ZNF674: variants seen among roughly 807,000 people sequenced by gnomAD.
ZNF674 encodes the protein zinc finger protein 674.
ZNF674 carries 2 observed loss-of-function variants against 7.0 expected under a neutral mutation model. The observed-to-expected ratio is 0.29, with a 90% CI of 0.12 to 0.90. The LOEUF is 0.90. Among genes scored for constraint, ZNF674 ranks in the 40% least tolerant of loss-of-function variants. The pLI is 0.57. For missense variants in ZNF674, 297 were observed against 415.5 expected (o/e 0.71, Z 2.48); for synonymous variants, 103 against 145.2 (o/e 0.71, Z 2.09).
intron 1 of ZNF674, among the ~76,000 whole-genome samples, chrX:46,544,961 C>A (rs1942352627): frequency 9.0e-6 from 1 of 111,458 alleles, no homozygotes; most frequent in South Asian, 3.8e-4. Flanking sequence ...ACACTGGAAA[C>A]AATAAACATG....
rs1325284379 is a variant in ZNF674, at chrX:46,499,163, G to A, written c.*680C>T. Reference sequence around the variant, plus strand: ...ATGATTCCTCTCATTTATACCATGGGTTTGTTTATTTATTTATTTGACAAG... The same window carrying A: ...ATGATTCCTCTCATTTATACCATGGATTTGTTTATTTATTTATTTGACAAG... On this transcript the variant is annotated 3_prime_UTR_variant, in exon 6 of 6. Coordinates refer to ENST00000683375, the MANE Select transcript of ZNF674 (RefSeq NM_001190417.2). The A allele has an allele frequency of 9.0e-6, 1 of 110,663 alleles. No homozygotes were observed. Among genetic ancestry groups the A allele is most frequent in the Non-Finnish European group, 1.9e-5 (1 of 52,902 alleles). 9.1% of individuals were successfully genotyped at this position (110,663 alleles called of 1,213,427 possible).
intron 5 of ZNF674, among the ~76,000 whole-genome samples, chrX:46,515,139 TG>T (rs780671326): frequency 9.0e-6 from 1 of 111,083 alleles, no homozygotes; most frequent in Non-Finnish European, 1.9e-5. Flanking sequence ...GAGGCCTAAG[TG>T]GGCGGATCAC....
At chrX:46,529,830 G>A (rs1942078591) in intron 3 of ZNF674, among the ~76,000 whole-genome samples, 3 of 111,610 alleles carry the variant, frequency 2.7e-5, no homozygotes, top group African/African-American at 9.8e-5. Flanking sequence ...TGTCCACAAA[G>A]GAAGAAGTCA....
chrX:46,518,198 AAATGT>A (rs1941804680), intron 5 of ZNF674, among the ~76,000 whole-genome samples: 1 of 111,304 alleles, frequency 9.0e-6, no homozygotes, highest in South Asian at 3.7e-4. Context: ...ATATATGGGT[AAATGT>A]AATGTATAAT....
intron 5 of ZNF674, among the ~76,000 whole-genome samples, chrX:46,524,682 C>T (rs1223437340): frequency 2.0e-5 from 2 of 99,253 alleles, no homozygotes; most frequent in Non-Finnish European, 4.0e-5. Flanking sequence ...GAGATTCCGT[C>T]TCGAAAAGAA....
chrX:46,544,378 C>T (rs1942342725), intron 2 of ZNF674, 123 bp downstream of exon 2: 1 of 112,714 alleles, frequency 8.9e-6, no homozygotes, highest in African/African-American at 3.2e-5. Context: ...CTCCAACTCG[C>T]CTCAGCTCAG....
At chrX:46,519,277 A>T (rs865785723) in intron 5 of ZNF674, among the ~76,000 whole-genome samples, 17 of 81,421 alleles carry the variant, frequency 2.1e-4, no homozygotes, top group East Asian at 1.5e-3. Context: ...GATAGATGAT[A>T]GATAGATAGA....
rs1334678916 is a variant in ZNF674, at chrX:46,498,551, C to A, written c.*1292G>T. ...TTTAGGAAAATAATCTGGGAGTTTGCCCCACATGGGATATTTTATGCTTTA... is the reference window on the plus strand; with the variant it reads ...TTTAGGAAAATAATCTGGGAGTTTGACCCACATGGGATATTTTATGCTTTA... On this transcript the variant is annotated 3_prime_UTR_variant, in exon 6 of 6. Coordinates refer to ENST00000683375, the MANE Select transcript of ZNF674 (RefSeq NM_001190417.2). 1.8e-5 allele frequency: 2 copies of A among 110,007 alleles called. No individual in the cohort carries two copies. Among genetic ancestry groups the A allele is most frequent in the Non-Finnish European group, 3.8e-5 (2 of 52,820 alleles). The allele number at this position is 110,007 out of a possible 1,213,427, so 9.1% of individuals were successfully genotyped here. A position where few individuals can be genotyped will look rare whatever the true frequency, so the allele number is the denominator to read the frequency against.
chrX:46,540,679 C>G (rs1942276737), intron 3 of ZNF674, among the ~76,000 whole-genome samples: 1 of 111,476 alleles, frequency 9.0e-6, no homozygotes, highest in African/African-American at 3.3e-5. Flanking sequence ...TTAGTCAAAA[C>G]CCGACTTCCA....
chrX:46,543,551 G>T (rs1942328272), intron 2 of ZNF674, among the ~76,000 whole-genome samples: 1 of 110,556 alleles, frequency 9.0e-6, no homozygotes, highest in Admixed American at 9.7e-5. Context: ...TCAGTTCTGT[G>T]AGGGGCTGAA....
rs183372776 is a variant in ZNF674, at chrX:46,507,334, G to A, written c.239-5999C>T. Among the ~76,000 whole-genome samples, 424 of 111,397 alleles carry A rather than the reference G, an allele frequency of 3.8e-3. 4 individuals carry two copies. Among genetic ancestry groups the A allele is most frequent in the African/African-American group, 0.013 (409 of 30,704 alleles). On this transcript the variant is annotated intron_variant, in intron 5 of 5. Transcript: ENST00000683375. ...AGACCATACCACTGCACTCCAGCCT[G>A]GGCAACACAGCAAGATTCTGTCTCA...
At chrX:46,532,755 G>A (rs775571486) in intron 3 of ZNF674, among the ~76,000 whole-genome samples, 11 of 112,127 alleles carry the variant, frequency 9.8e-5, no homozygotes, top group African/African-American at 3.2e-4. Flanking sequence ...GACCACAGGT[G>A]TCCAATCTTT....
chrX:46,518,890 C>CTAAA (rs200920300), intron 5 of ZNF674, among the ~76,000 whole-genome samples: 19,727 of 99,288 alleles, frequency 0.2, 2,424 homozygotes, highest in Middle Eastern at 0.35. Flanking sequence ...GACTCCGTCT[C>CTAAA]TAAATAAATA....
intron 1 of ZNF674, among the ~76,000 whole-genome samples, 163 bp downstream of exon 1, chrX:46,545,208 C>T (rs1483145070): frequency 1.8e-5 from 2 of 110,798 alleles, no homozygotes; most frequent in Non-Finnish European, 3.8e-5. Context: ...CTCGCTGGCC[C>T]CGAACCTCGC....
At chrX:46,517,831 A>G (rs995657568) in intron 5 of ZNF674, 33 of 111,836 alleles carry the variant, frequency 3.0e-4, no homozygotes, top group African/African-American at 1.1e-3. Flanking sequence ...CTCCTGTGTA[A>G]GGATGACGTG....
chrX:46,541,207 C>T (rs1475370302), intron 3 of ZNF674, among the ~76,000 whole-genome samples: 5 of 107,447 alleles, frequency 4.7e-5, no homozygotes. Flanking sequence ...AGTAAAAATA[C>T]AAAATTGGCT....
At chrX:46,539,679 A>G (rs889471632) in intron 3 of ZNF674, among the ~76,000 whole-genome samples, 15 of 112,573 alleles carry the variant, frequency 1.3e-4, no homozygotes, top group Non-Finnish European at 1.9e-5. Flanking sequence ...TGGTTGCCAA[A>G]ACTTGGGGAG....
intron 2 of ZNF674, among the ~76,000 whole-genome samples, chrX:46,544,073 T>G (rs1164301664): frequency 1.8e-5 from 2 of 112,488 alleles, no homozygotes; most frequent in Non-Finnish European, 3.8e-5. Context: ...TGTGGCTGGC[T>G]GTGATCCTTC....
chrX:46,508,776 G>A (rs1941590375), intron 5 of ZNF674, among the ~76,000 whole-genome samples: 1 of 111,158 alleles, frequency 9.0e-6, no homozygotes, highest in Non-Finnish European at 1.9e-5. Flanking sequence ...GTCTGTTATT[G>A]GTGTATAAGA....
Sources: gnomAD v4.1 joint callset for allele counts (sites outside exome capture counted in the v4.1 genomes callset) on GRCh38, gnomAD v4.1.1 for gene constraint, MANE v1.5 for transcripts, NCBI Gene and HGNC (gene_info 2026-07-23, HGNC 2026-07-21) for gene names.